Variants in NCAM1 observed in about 807,000 individuals in gnomAD.
The protein encoded by NCAM1 is antigen recognized by monoclonal antibody 5.1H11.
Under a neutral mutation model 109.8 loss-of-function variants are expected in NCAM1, and 14 were observed. The ratio of observed to expected loss-of-function variants is 0.13; its 90% CI spans 0.08 to 0.20. The LOEUF is 0.20. NCAM1 is among the 10% of genes least tolerant of loss of function. The pLI is 1.00. For missense variants in NCAM1, 774 were observed against 1,109.9 expected, an observed-to-expected ratio of 0.70 and a Z score of 4.30; for synonymous variants, 418 against 442.9, an observed-to-expected ratio of 0.94 and a Z score of 0.70.
chr11:113,051,788 TTC>T (rs1198113790), intron 1 of NCAM1, among the ~76,000 whole-genome samples: 3 of 152,246 alleles, frequency 2.0e-5, no homozygotes, highest in Non-Finnish European at 2.9e-5. Flanking sequence ...GCTTCAGTTT[TTC>T]TCTCATAAGC....
intron 17 of NCAM1, among the ~76,000 whole-genome samples, chr11:113,261,604 A>G (rs1366267342): frequency 6.6e-6 from 1 of 152,090 alleles, no homozygotes; most frequent in African/African-American, 2.4e-5. Flanking sequence ...ATACCTTAAC[A>G]GGATGTTCAA....
At chr11:113,139,293 A>G (rs569406898) in intron 1 of NCAM1, among the ~76,000 whole-genome samples, 6 of 152,380 alleles carry the variant, frequency 3.9e-5, no homozygotes, top group Admixed American at 2.6e-4. Context: ...AAGTTTAGCT[A>G]CAGCACAAAA....
intron 1 of NCAM1, among the ~76,000 whole-genome samples, chr11:113,020,494 A>T (rs1952350101): frequency 6.6e-6 from 1 of 152,106 alleles, no homozygotes; most frequent in Non-Finnish European, 1.5e-5. Flanking sequence ...TTACCTTTGA[A>T]CTGTCCCTTA....
chr11:113,175,975 G>A (rs59185299), intron 1 of NCAM1, among the ~76,000 whole-genome samples: 1,889 of 152,206 alleles, frequency 0.012, 32 homozygotes, highest in African/African-American at 0.043. Context: ...TGAAATCATC[G>A]CATGTACTCC....
In NCAM1 at chr11:113,167,865, G is replaced by A. The variant is rs142018490; in HGVS notation, c.53-34514G>A. 1.1e-4 allele frequency among the ~76,000 whole-genome samples: 17 copies of A among 152,290 alleles called. No individual in the cohort carries two copies. In the East Asian group the frequency reaches 1.4e-3, roughly 12 times the overall value. ...GCTTCATAATAGCAAGCGAGATGGC[G>A]GTTGGGCAGGGTGTATTACTGTTGT... On this transcript the variant is annotated intron_variant, in intron 1 of 19. Coordinates refer to ENST00000316851, the MANE Select transcript of NCAM1 (RefSeq NM_181351.5).
Position 113,271,254 on chromosome 11 carries a change from C to T in NCAM1, c.2340-506C>T, listed in dbSNP as rs957712843. ...GCGTGGTGGCATGCTCCTGTAATCC[C>T]AGCTATTCAGGAGGCTGAGGCTGGA... On this transcript the variant is annotated intron_variant, in intron 18 of 19. Coordinates refer to ENST00000316851, the MANE Select transcript of NCAM1 (RefSeq NM_181351.5). 4.6e-5 allele frequency among the ~76,000 whole-genome samples: 7 copies of T among 151,614 alleles called. No homozygotes were observed. The East Asian group carries it at 1.4e-3, about 30-fold the overall frequency.
chr11:113,142,716 C>T (rs529861336), intron 1 of NCAM1, among the ~76,000 whole-genome samples: 1 of 152,244 alleles, frequency 6.6e-6, no homozygotes, highest in African/African-American at 2.4e-5. Context: ...GTTTTCTCTG[C>T]CATCTGCTGC....
intron 15 of NCAM1, 57 bp from the exon 16 acceptor site, chr11:113,255,820 G>A: frequency 6.3e-7 from 1 of 1,598,186 alleles, no homozygotes. Flanking sequence ...CCATTCAGAT[G>A]GGTTGGATTT....
intron 1 of NCAM1, among the ~76,000 whole-genome samples, chr11:113,163,824 C>T (rs782376553): frequency 1.3e-5 from 2 of 152,060 alleles, no homozygotes; most frequent in African/African-American, 2.4e-5. Flanking sequence ...CTGCGGGTGC[C>T]GGGCTGTGCA....
At chr11:113,158,142 A>T (rs141179469) in intron 1 of NCAM1, among the ~76,000 whole-genome samples, 3 of 152,232 alleles carry the variant, frequency 2.0e-5, no homozygotes, top group Non-Finnish European at 4.4e-5. Context: ...AGTTCATCAG[A>T]CAAGTCTTTA....
chr11:113,007,899 T>C (rs1951929832), intron 1 of NCAM1, among the ~76,000 whole-genome samples: 1 of 152,244 alleles, frequency 6.6e-6, no homozygotes, highest in Non-Finnish European at 1.5e-5. Context: ...AATGAACTCA[T>C]TGTTCTGATA....
Position 112,963,809 on chromosome 11 carries a change from G to T in NCAM1, c.52+2145G>T, listed in dbSNP as rs1426528455. On this transcript the variant is annotated intron_variant, in intron 1 of 19. Coordinates refer to ENST00000316851, the MANE Select transcript of NCAM1 (RefSeq NM_181351.5). This position sits in a 1 kb window ranked among gnomAD's most constrained non-coding sequence, Gnocchi z 4.6. ...TCAGTATTTGGATCCCGTGGAAGTTGCAGGCCCAGGAATTCCCACTGGGAT... is the reference window on the plus strand; with the variant it reads ...TCAGTATTTGGATCCCGTGGAAGTTTCAGGCCCAGGAATTCCCACTGGGAT... 6.6e-6 allele frequency among the ~76,000 whole-genome samples: 1 copy of T among 152,140 alleles called. No individual in the cohort carries two copies. The highest frequency in any genetic ancestry group is 6.5e-5 in the Admixed American group (1 of 15,288).
At chr11:113,252,914 G>A (rs991002739) in intron 15 of NCAM1, among the ~76,000 whole-genome samples, 1 of 140,054 alleles carries the variant, frequency 7.1e-6, no homozygotes, top group Non-Finnish European at 1.5e-5. Context: ...GCCTCCCGAA[G>A]TCCTAGGGTT....
At position 113,262,873 on chromosome 11, in the gene NCAM1, A is replaced by T. The variant is rs781933363; in HGVS notation, c.2131+2550A>T. 3 of 1,613,878 alleles carry T rather than the reference A, an allele frequency of 1.9e-6. No individual in the cohort carries two copies. The South Asian group carries it at 3.3e-5, about 18-fold the overall frequency. ...ACCTTGGGAGGCAATTCTGCATCCTACACCTTTGTCTCATTGCTTTTCTCT... is the reference window on the plus strand; with the variant it reads ...ACCTTGGGAGGCAATTCTGCATCCTTCACCTTTGTCTCATTGCTTTTCTCT... On this transcript the variant is annotated intron_variant, in intron 17 of 19. Transcript: ENST00000316851.
Position 113,121,772 on chromosome 11 carries a change from T to C in NCAM1, c.53-80607T>C, listed in dbSNP as rs144213337. Reference sequence around the variant, plus strand: ...TAGGAATGGAGACAAAATCCATTCCTTTGGGTGCCTATCCAGAGATTTTTG... The same window carrying C: ...TAGGAATGGAGACAAAATCCATTCCCTTGGGTGCCTATCCAGAGATTTTTG... On this transcript the variant is annotated intron_variant, in intron 1 of 19. Coordinates refer to ENST00000316851, the MANE Select transcript of NCAM1 (RefSeq NM_181351.5). Among the ~76,000 whole-genome samples the C allele has an allele frequency of 3.0e-3, 451 of 152,316 alleles. 1 individual carries two copies. The highest frequency in any genetic ancestry group is 0.01 in the African/African-American group (428 of 41,580).
At chr11:113,141,763 C>T (rs1415815232) in intron 1 of NCAM1, among the ~76,000 whole-genome samples, 7 of 152,124 alleles carry the variant, frequency 4.6e-5, no homozygotes, top group African/African-American at 1.2e-4. Flanking sequence ...GCATACCTCT[C>T]GGTGCTATAC....
At position 113,273,699 on chromosome 11, in the gene NCAM1, G is replaced by A. The variant is rs531513466; in HGVS notation, c.2457-1568G>A. 2.9e-4 allele frequency: 134 copies of A among 455,370 alleles called. No individual in the cohort carries two copies. The highest frequency in any genetic ancestry group is 5.2e-4 in the Non-Finnish European group (118 of 226,048). 28.2% of individuals were successfully genotyped at this position (455,370 alleles called of 1,614,324 possible). On this transcript the variant is annotated intron_variant, in intron 19 of 19. Coordinates refer to ENST00000316851, the MANE Select transcript of NCAM1 (RefSeq NM_181351.5). This position sits in a 1 kb window ranked among gnomAD's most constrained non-coding sequence, Gnocchi z 6.0. ...GGCCAGTGGACAAGCCCCTGAGCTT[G>A]CTCCTTCCACTGCAGACAGCTCTGT...
At chr11:113,231,313 G>A (rs1490559712) in intron 9 of NCAM1, 24 of 1,533,518 alleles carry the variant, frequency 1.6e-5, no homozygotes, top group South Asian at 1.3e-4. Context: ...TCTGCTGGCC[G>A]GAGGCTTTGC....
chr11:113,242,314 G>A (rs2137389531), intron 14 of NCAM1, among the ~76,000 whole-genome samples: 1 of 152,248 alleles, frequency 6.6e-6, no homozygotes, highest in South Asian at 2.1e-4. Flanking sequence ...TGTATATTAA[G>A]AGTCTTTTAA....
Sources: gnomAD v4.1 joint callset for allele counts (sites outside exome capture counted in the v4.1 genomes callset) on GRCh38, gnomAD v4.1.1 for gene constraint, Gnocchi (gnomAD v3.1) non-coding constraint, MANE v1.5 for transcripts, NCBI Gene and HGNC (gene_info 2026-07-23, HGNC 2026-07-21) for gene names.